The following GATM variants were observed in gnomAD, a reference collection of about 807,000 sequenced individuals.
GATM encodes glycine amidinotransferase, also known as glycine amidinotransferase, mitochondrial.
A neutral mutation model predicts 54.2 loss-of-function variants in GATM; 23 were observed. The ratio of observed to expected loss-of-function variants is 0.42; its 90% confidence interval spans 0.31 to 0.60. The LOEUF is 0.60. Ranked by LOEUF, GATM falls within the 20% of genes least tolerant of loss-of-function variation. The pLI, the probability that GATM is intolerant of heterozygous loss-of-function variation, is 0.14. For missense variants in GATM, 401 were observed against 544.9 expected, an observed-to-expected ratio of 0.74 and a Z score of 2.63; for synonymous variants, 168 against 183.1, an observed-to-expected ratio of 0.92 and a Z score of 0.67.
At chr15:45,377,704 T>TGGG (rs1889662681) in intron 1 of GATM, 1 of 163,832 alleles carries the variant, frequency 6.1e-6, no homozygotes, top group African/African-American at 2.4e-5. Context: ...AACCAGTTGC[T>TGGG]GGGAGGAAGC....
chr15:45,402,139 G>C, exon 1 of GATM: 1 of 467,292 alleles, frequency 2.1e-6, no homozygotes. Context: ...TAATGACCTA[G>C]TGAAGTGAGC....
upstream of GATM, among the ~76,000 whole-genome samples, chr15:45,382,645 T>C (rs1889755333): frequency 1.3e-5 from 2 of 151,260 alleles, no homozygotes; most frequent in African/African-American, 4.9e-5. Context: ...ATACAAAAAT[T>C]AGCCAGGCGT....
In GATM at chr15:45,364,787, G is replaced by A; in HGVS notation, c.1042+10C>T. The A allele has an allele frequency of 1.2e-6, 2 of 1,609,688 alleles. No individual in the cohort carries two copies. The highest frequency in any genetic ancestry group is 1.7e-4 in the Middle Eastern group (1 of 6,058). ...TATTTTAGTCTAACAGTGTATGAAA[G>A]TAAACATACCGTCTGGGATGATTGG... On this transcript the variant is annotated intron_variant, in intron 7 of 8. Transcript: ENST00000396659.
intron 3 of GATM, among the ~76,000 whole-genome samples, chr15:45,388,993 C>T (rs1889838279): frequency 6.6e-6 from 1 of 152,112 alleles, no homozygotes; most frequent in Non-Finnish European, 1.5e-5. Context: ...TAATAATTTT[C>T]TTAGTTGGAG....
intron 6 of GATM, 141 bp from the exon 7 acceptor site, chr15:45,365,001 T>A: frequency 2.8e-6 from 2 of 720,368 alleles, no homozygotes; most frequent in Non-Finnish European, 4.7e-6. Flanking sequence ...TTAAAATTTC[T>A]AAACATTTGG....
At chr15:45,398,670 T>C (rs948449971) in intron 2 of GATM, among the ~76,000 whole-genome samples, 2 of 152,346 alleles carry the variant, frequency 1.3e-5, no homozygotes, top group East Asian at 3.9e-4. Context: ...GAGATGAAAG[T>C]GTTTGCAAAT....
chr15:45,386,024 A>C (rs1283901549), intron 3 of GATM, among the ~76,000 whole-genome samples: 1 of 152,162 alleles, frequency 6.6e-6, no homozygotes, highest in Non-Finnish European at 1.5e-5. Flanking sequence ...CCTTATGTAC[A>C]TGTAAAAGTA....
At chr15:45,365,435 T>TA (rs1387646335) in intron 6 of GATM, among the ~76,000 whole-genome samples, 1 of 152,138 alleles carries the variant, frequency 6.6e-6, no homozygotes. Flanking sequence ...GGTTTAAAAA[T>TA]AAAAAACAGA....
upstream of GATM, among the ~76,000 whole-genome samples, chr15:45,381,755 A>C (rs566424983): frequency 6.6e-6 from 1 of 152,378 alleles, no homozygotes; most frequent in Admixed American, 6.5e-5. Flanking sequence ...GGGGAAGGAT[A>C]TCTCTCAAAG....
intron 2 of GATM, among the ~76,000 whole-genome samples, chr15:45,371,495 G>A (rs1889543661): frequency 6.6e-6 from 1 of 152,218 alleles, no homozygotes; most frequent in African/African-American, 2.4e-5. Context: ...CTAGAAAGGT[G>A]TAAAACTTGG....
intron 3 of GATM, among the ~76,000 whole-genome samples, chr15:45,392,826 G>C (rs899652984): frequency 1.3e-5 from 2 of 152,156 alleles, no homozygotes; most frequent in African/African-American, 4.8e-5. Context: ...ACTCTGTTGA[G>C]CCCTGGAAGA....
chr15:45,370,164 T>C (rs1889516366), intron 2 of GATM, among the ~76,000 whole-genome samples: 1 of 152,112 alleles, frequency 6.6e-6, no homozygotes, highest in Non-Finnish European at 1.5e-5. Context: ...TAGCTTGATG[T>C]CAGGAGTTCA....
chr15:45,378,296 C>T (rs1889676117), intron 1 of GATM, 89 bp downstream of exon 1: 2 of 1,030,826 alleles, frequency 1.9e-6, no homozygotes, highest in East Asian at 3.1e-5. Flanking sequence ...AAGGTGGCGG[C>T]TCCGGGCAGG....
chr15:45,401,083 C>T (rs76722307), intron 1 of GATM, among the ~76,000 whole-genome samples: 2,490 of 152,218 alleles, frequency 0.016, 26 homozygotes, highest in Non-Finnish European at 0.023. Flanking sequence ...GTGACTTATC[C>T]ATTTCAAGAC....
chr15:45,376,892 T>TG lies in GATM; in HGVS notation c.70-74dup, dbSNP rs565689596. The TG allele has an allele frequency of 5.7e-4, 805 of 1,404,554 alleles. 5 individuals carry two copies. In the African/African-American group the frequency reaches 0.011, roughly 19 times the overall value. The allele number at this position is 1,404,554 out of a possible 1,614,324, so 87.0% of individuals were successfully genotyped here. A position where few individuals can be genotyped will look rare whatever the true frequency, so the allele number is the denominator to read the frequency against. On this transcript the variant is annotated intron_variant, in intron 1 of 8. Transcript: ENST00000396659. ...ACTTACAGAGAGGAGGAAGTGGAGA[T>TG]GGAGTAAAAATCCAGCATAACATTG... is the stretch of plus-strand genomic sequence containing the variant.
chr15:45,380,420 CT>C (rs1401987098), upstream of GATM: 1 of 152,030 alleles, frequency 6.6e-6, no homozygotes, highest in Non-Finnish European at 1.5e-5. Context: ...CTAATCAAGG[CT>C]TCATACTTCT....
chr15:45,394,661 A>C (rs1053425252), intron 3 of GATM, among the ~76,000 whole-genome samples: 9 of 152,228 alleles, frequency 5.9e-5, no homozygotes, highest in Non-Finnish European at 1.3e-4. Flanking sequence ...AAGTGGGACA[A>C]AGAAAATTCT....
At chr15:45,375,463 G>A (rs966745300) in intron 2 of GATM, among the ~76,000 whole-genome samples, 3 of 152,194 alleles carry the variant, frequency 2.0e-5, no homozygotes, top group African/African-American at 7.2e-5. Context: ...GGTGGTGGTA[G>A]GTTTAAACTA....
chr15:45,378,496 C>T lies in GATM; in HGVS notation c.-43G>A. ...TCCACGCGCGGAATGTTCCTGGCCT[C>T]TGGGCCGCGTCGGTCCAAGCCTTCC... On this transcript the variant is annotated 5_prime_UTR_variant, in exon 1 of 9. Transcript: ENST00000396659. The T allele has an allele frequency of 2.2e-6, 3 of 1,358,046 alleles. No homozygotes were observed. The highest frequency in any genetic ancestry group is 2.8e-6 in the Non-Finnish European group (3 of 1,057,528). 84.1% of individuals were successfully genotyped at this position (1,358,046 alleles called of 1,614,324 possible). A position where few individuals can be genotyped will look rare whatever the true frequency, so the allele number is the denominator to read the frequency against.
Sources: gnomAD v4.1 joint callset for allele counts (sites outside exome capture counted in the v4.1 genomes callset) on GRCh38, gnomAD v4.1.1 for gene constraint, MANE v1.5 for transcripts, NCBI Gene and HGNC (gene_info 2026-07-23, HGNC 2026-07-21) for gene names.